SV2C: variants seen among roughly 807,000 people sequenced by gnomAD.
The protein encoded by SV2C is synaptic vesicle glycoprotein 2C.
SV2C carries 49 observed loss-of-function variants against 79.7 expected under a neutral mutation model. The ratio of observed to expected loss-of-function variants is 0.61; its 90% CI spans 0.49 to 0.78. SV2C has a LOEUF of 0.78. Ranked by LOEUF, SV2C falls within the 30% of genes least tolerant of loss-of-function variation. SV2C has a pLI of 0.00. For missense variants in SV2C, 833 were observed against 912.9 expected (o/e 0.91, Z 1.13); for synonymous variants, 334 against 333.2 (o/e 1.00, Z -0.03).
intron 2 of SV2C, among the ~76,000 whole-genome samples, chr5:76,142,688 C>G (rs2112211413): frequency 6.6e-6 from 1 of 152,026 alleles, no homozygotes; most frequent in East Asian, 1.9e-4. Context: ...CATGTTTTCC[C>G]CAAAGCAGGA....
At chr5:75,974,662 C>T in the SV2C span, among the ~76,000 whole-genome samples, 9 of 152,130 alleles carry the variant, frequency 5.9e-5, no homozygotes, top group Non-Finnish European at 1.0e-4. Context: ...TGTGCTTTCA[C>T]CTTTTTAAGC....
At chr5:76,284,952 C>A (rs1373792369) in intron 4 of SV2C, among the ~76,000 whole-genome samples, 3 of 152,204 alleles carry the variant, frequency 2.0e-5, no homozygotes, top group Admixed American at 1.3e-4. Flanking sequence ...TAGGCCTTGA[C>A]CCCTTTGGTT....
At chr5:75,983,871 C>T in the SV2C span, among the ~76,000 whole-genome samples, 1 of 152,212 alleles carries the variant, frequency 6.6e-6, no homozygotes, top group South Asian at 2.1e-4. Flanking sequence ...CCTTTCTGCT[C>T]TCCTTCTTGC....
the SV2C span, among the ~76,000 whole-genome samples, chr5:75,972,746 A>C: frequency 3.3e-5 from 5 of 152,132 alleles, no homozygotes; most frequent in African/African-American, 7.3e-5. Context: ...AAACTAGTTC[A>C]ACCATTGTGG....
chr5:76,053,774 G>C, the SV2C span, among the ~76,000 whole-genome samples: 1 of 152,040 alleles, frequency 6.6e-6, no homozygotes, highest in South Asian at 2.1e-4. Context: ...ACTGGATTCT[G>C]GGTTCACACA....
chr5:76,094,453 C>T (rs1013931282), intron 1 of SV2C, among the ~76,000 whole-genome samples: 3 of 151,886 alleles, frequency 2.0e-5, no homozygotes, highest in African/African-American at 4.8e-5. Flanking sequence ...TTTTTAACAC[C>T]GTATTTTTGA....
intron 12 of SV2C, among the ~76,000 whole-genome samples, chr5:76,314,469 A>AG (rs11390567): frequency 0.093 from 14,146 of 152,204 alleles, 714 homozygotes; most frequent in Admixed American, 0.14. Flanking sequence ...GCACTGATCT[A>AG]GGGGTCACTG....
the SV2C span, among the ~76,000 whole-genome samples, chr5:75,848,234 A>G: frequency 6.6e-6 from 1 of 152,248 alleles, no homozygotes; most frequent in South Asian, 2.1e-4. Context: ...TGGCAGCACC[A>G]GAAGGCAAAG....
the SV2C span, among the ~76,000 whole-genome samples, chr5:75,964,127 C>A: frequency 6.6e-6 from 1 of 151,942 alleles, no homozygotes; most frequent in Non-Finnish European, 1.5e-5. Context: ...CCTGTCTGTT[C>A]ATGTTTTCTT....
chr5:75,891,304 A>C, the SV2C span, among the ~76,000 whole-genome samples: 1 of 152,116 alleles, frequency 6.6e-6, no homozygotes, highest in Non-Finnish European at 1.5e-5. Context: ...ACTTTTGTCT[A>C]TCATGTGAGT....
intron 4 of SV2C, among the ~76,000 whole-genome samples, chr5:76,284,417 C>G (rs1236499014): frequency 6.6e-6 from 1 of 152,120 alleles, no homozygotes; most frequent in East Asian, 1.9e-4. Flanking sequence ...AGGGTGCCAG[C>G]AGGAAGCTAG....
chr5:76,197,521 G>A (rs188835869), intron 3 of SV2C, among the ~76,000 whole-genome samples: 3 of 152,226 alleles, frequency 2.0e-5, no homozygotes, highest in East Asian at 1.9e-4. Context: ...GCTGAGGGGG[G>A]AGTCATGTGA....
At chr5:76,246,295 G>GA (rs1398587653) in intron 4 of SV2C, among the ~76,000 whole-genome samples, 1 of 152,180 alleles carries the variant, frequency 6.6e-6, no homozygotes, top group African/African-American at 2.4e-5. Flanking sequence ...CTGGCACTAA[G>GA]AAACCAGGAT....
chr5:76,142,874 A>G (rs1029998151), intron 2 of SV2C, among the ~76,000 whole-genome samples: 4 of 151,600 alleles, frequency 2.6e-5, no homozygotes, highest in Non-Finnish European at 5.9e-5. Flanking sequence ...TATTCTCCAA[A>G]TATGGTATCT....
rs112983919 is a variant in SV2C at position 76,092,487 on chromosome 5, T to C, written c.-102+8975T>C. Among the ~76,000 whole-genome samples, 974 of 152,298 alleles carry C rather than the reference T, an allele frequency of 6.4e-3. 9 individuals carry two copies. Among genetic ancestry groups the C allele is most frequent in the African/African-American group, 0.022 (921 of 41,552 alleles). On this transcript the variant is annotated intron_variant, in intron 1 of 12. Transcript: ENST00000502798. ...TTTCATTTTGAATGAAAAAGGAACA[T>C]GGCTATAAACACTCAATACAGTGAC... is the stretch of plus-strand genomic sequence containing the variant.
chr5:76,295,855 A>G lies in SV2C; in HGVS notation c.1415A>G (p.Asn472Ser), dbSNP rs1747736882. 1 of 1,613,578 alleles carries G rather than the reference A, an allele frequency of 6.2e-7. No homozygotes were observed. The highest frequency in any genetic ancestry group is 8.5e-7 in the Non-Finnish European group (1 of 1,179,762). The change falls in exon 9 of 13, where the codon AAT (asparagine) becomes AGT (serine). Residue 472 changes from asparagine to serine, a missense_variant. Transcript: ENST00000502798. The part of the protein sequence containing the change: ...QSDEYALLTR[N>S]VERDKYANFT... ...GATGAATATGCATTGCTAACCAGAA[A>G]TGTGGAGAGAGATAAATATGCAAAT...
At chr5:75,903,367 G>GT in the SV2C span, among the ~76,000 whole-genome samples, 32,992 of 138,754 alleles carry the variant, frequency 0.24, 3,957 homozygotes, top group South Asian at 0.31. Flanking sequence ...ACAAAAAGGT[G>GT]TTTTTTTTTT....
the SV2C span, among the ~76,000 whole-genome samples, chr5:76,031,586 CT>C: frequency 2.6e-4 from 40 of 152,170 alleles, no homozygotes; most frequent in Admixed American, 6.5e-5. Flanking sequence ...GTGCTTAACC[CT>C]CTCAAACCCT....
intron 4 of SV2C, among the ~76,000 whole-genome samples, chr5:76,234,702 G>A (rs1258506403): frequency 1.3e-5 from 2 of 152,208 alleles, no homozygotes; most frequent in East Asian, 3.8e-4. Context: ...TCATTTTAGG[G>A]AAAAGGTTAT....
Sources: gnomAD v4.1 joint callset for allele counts (sites outside exome capture counted in the v4.1 genomes callset) on GRCh38, gnomAD v4.1.1 for gene constraint, MANE v1.5 for transcripts, NCBI Gene and HGNC (gene_info 2026-07-23, HGNC 2026-07-21) for gene names.